Variants in KATNIP observed in about 807,000 individuals in gnomAD.
KATNIP encodes katanin-interacting protein.
In KATNIP, 126 loss-of-function variants were observed where a neutral mutation model predicts 174.0. The ratio of observed to expected loss-of-function variants is 0.72; its 90% CI spans 0.63 to 0.84. The LOEUF (loss-of-function observed/expected upper bound fraction) is 0.84, where lower values mean the gene tolerates loss of function less well. Ranked by LOEUF, KATNIP falls within the 40% of genes least tolerant of loss-of-function variation. The pLI is 0.00. For synonymous variants in KATNIP, 810 were observed against 835.7 expected, an observed-to-expected ratio of 0.97 and a Z score of 0.53; for missense variants, 1,958 against 2,109.7, an observed-to-expected ratio of 0.93 and a Z score of 1.41.
intron 2 of KATNIP, among the ~76,000 whole-genome samples, chr16:27,610,553 C>T (rs979295649): frequency 5.3e-5 from 8 of 152,124 alleles, no homozygotes; most frequent in Non-Finnish European, 1.0e-4. Flanking sequence ...GTTCTCAGGA[C>T]CCCCTGCAGG....
intron 6 of KATNIP, among the ~76,000 whole-genome samples, chr16:27,675,734 AT>A (rs1235499872): frequency 2.0e-5 from 3 of 152,030 alleles, no homozygotes; most frequent in Admixed American, 2.0e-4. Context: ...AGCTGGCAGT[AT>A]TTCTCCTGGT....
intron 5 of KATNIP, among the ~76,000 whole-genome samples, chr16:27,635,521 T>C (rs1412969946): frequency 1.3e-5 from 2 of 151,954 alleles, no homozygotes; most frequent in Non-Finnish European, 2.9e-5. Context: ...ACTACATGTG[T>C]CATGAATGAA....
intron 6 of KATNIP, among the ~76,000 whole-genome samples, chr16:27,661,067 T>C (rs953584353): frequency 6.6e-6 from 1 of 152,210 alleles, no homozygotes; most frequent in African/African-American, 2.4e-5. Context: ...ATCACATCAC[T>C]GAGTTATGAT....
intron 8 of KATNIP, among the ~76,000 whole-genome samples, chr16:27,691,576 T>C (rs1343809936): frequency 6.6e-6 from 1 of 152,194 alleles, no homozygotes; most frequent in East Asian, 1.9e-4. Flanking sequence ...GTGTGTGCGG[T>C]GTGAGGGAGT....
At chr16:27,666,713 C>T (rs1053575855) in intron 6 of KATNIP, among the ~76,000 whole-genome samples, 3 of 151,758 alleles carry the variant, frequency 2.0e-5, no homozygotes, top group East Asian at 1.9e-4. Context: ...CCCAGCCGGT[C>T]GGGAATGCGA....
At chr16:27,762,385 G>A (rs1466113915) in intron 19 of KATNIP, among the ~76,000 whole-genome samples, 1 of 152,208 alleles carries the variant, frequency 6.6e-6, no homozygotes, top group Non-Finnish European at 1.5e-5. Context: ...TGCGAAGCAG[G>A]TGACACATGT....
At chr16:27,564,501 T>C (rs1166553880) in intron 1 of KATNIP, among the ~76,000 whole-genome samples, 2 of 152,072 alleles carry the variant, frequency 1.3e-5, no homozygotes, top group African/African-American at 4.8e-5. Flanking sequence ...AAATAAGCAT[T>C]TCTGTATGCC....
At chr16:27,585,027 T>C (rs1165798243) in intron 2 of KATNIP, among the ~76,000 whole-genome samples, 1 of 152,146 alleles carries the variant, frequency 6.6e-6, no homozygotes, top group East Asian at 1.9e-4. Context: ...CCCTTGCTAC[T>C]GGTTTACAGC....
At chr16:27,623,455 CTGATTGAT>C (rs779380200) in intron 3 of KATNIP, among the ~76,000 whole-genome samples, 11 of 151,994 alleles carry the variant, frequency 7.2e-5, no homozygotes, top group African/African-American at 2.2e-4. Context: ...CAGTTATTGA[CTGATTGAT>C]TGATTGATTG....
At chr16:27,602,803 A>G (rs2075574407) in intron 2 of KATNIP, among the ~76,000 whole-genome samples, 1 of 151,952 alleles carries the variant, frequency 6.6e-6, no homozygotes, top group Non-Finnish European at 1.5e-5. Flanking sequence ...GGTTCAAGTG[A>G]TTCTCCTGCC....
intron 3 of KATNIP, among the ~76,000 whole-genome samples, chr16:27,619,876 C>T (rs889844156): frequency 6.6e-6 from 1 of 152,142 alleles, no homozygotes; most frequent in African/African-American, 2.4e-5. Flanking sequence ...ACTAGAATGG[C>T]GAAGGCTTGT....
chr16:27,557,296 C>T (rs2089670108), intron 1 of KATNIP, among the ~76,000 whole-genome samples: 2 of 152,052 alleles, frequency 1.3e-5, no homozygotes. Context: ...CACATGCCAC[C>T]ACGCCCAACT....
chr16:27,690,817 C>T (rs1442562586), intron 8 of KATNIP, among the ~76,000 whole-genome samples: 1 of 152,176 alleles, frequency 6.6e-6, no homozygotes, highest in African/African-American at 2.4e-5. Context: ...GCATTTCAGC[C>T]CTGTCGAAAG....
chr16:27,596,782 G>T (rs2075349910), intron 2 of KATNIP, among the ~76,000 whole-genome samples: 1 of 152,198 alleles, frequency 6.6e-6, no homozygotes, highest in African/African-American at 2.4e-5. Context: ...CAGCACTTTG[G>T]GAGGCCGAGG....
At chr16:27,568,480 T>C (rs925139302) in intron 1 of KATNIP, among the ~76,000 whole-genome samples, 2 of 152,068 alleles carry the variant, frequency 1.3e-5, no homozygotes, top group Admixed American at 1.3e-4. Context: ...ATAAGTTTTT[T>C]TTTTTGAGAC....
At position 27,778,836 on chromosome 16, in the gene KATNIP, C is replaced by A. The variant is rs2082599058; in HGVS notation, c.*207C>A. 1.9e-6 allele frequency: 1 copy of A among 518,108 alleles called. No individual in the cohort carries two copies. The highest frequency in any genetic ancestry group is 3.5e-5 in the Admixed American group (1 of 28,812). The allele number at this position is 518,108 out of a possible 1,614,324, so 32.1% of individuals were successfully genotyped here. ...CTGTGGCTGCAGGGCAAAGAGATCCCCTGCAGTTCTGGGTTGGCCACAGGG... is the reference window on the plus strand; with the variant it reads ...CTGTGGCTGCAGGGCAAAGAGATCCACTGCAGTTCTGGGTTGGCCACAGGG... On this transcript the variant is annotated 3_prime_UTR_variant, in exon 28 of 28. Coordinates refer to ENST00000261588, the MANE Select transcript of KATNIP (RefSeq NM_015202.5).
At chr16:27,584,511 A>G (rs1420547231) in intron 2 of KATNIP, among the ~76,000 whole-genome samples, 2 of 151,988 alleles carry the variant, frequency 1.3e-5, no homozygotes, top group Non-Finnish European at 2.9e-5. Context: ...ATTATATTCA[A>G]AGCCGTGCAT....
At chr16:27,591,139 A>G (rs924648992) in intron 2 of KATNIP, among the ~76,000 whole-genome samples, 3 of 151,738 alleles carry the variant, frequency 2.0e-5, no homozygotes, top group African/African-American at 7.3e-5. Context: ...GGGATATTCC[A>G]GTTTTGAACT....
At chr16:27,579,222 G>C (rs747382786) in intron 2 of KATNIP, among the ~76,000 whole-genome samples, 21 of 152,294 alleles carry the variant, frequency 1.4e-4, no homozygotes, top group African/African-American at 4.6e-4. Context: ...TGAGCATGGC[G>C]CTGGGGACAT....
Sources: allele counts gnomAD v4.1 joint callset (sites outside exome capture counted in the v4.1 genomes callset), GRCh38; gene constraint gnomAD v4.1.1; transcripts MANE v1.5; gene names NCBI Gene and HGNC (gene_info 2026-07-23, HGNC 2026-07-21).